DACH1: variants seen among roughly 807,000 people sequenced by gnomAD.
DACH1 encodes the protein dachshund family transcription factor 1.
A neutral mutation model predicts 54.2 loss-of-function variants in DACH1; 12 were observed. The ratio of observed to expected loss-of-function variants is 0.22; its 90% CI spans 0.14 to 0.36. DACH1 has a LOEUF of 0.36. Among genes scored for constraint, DACH1 ranks in the 10% least tolerant of loss-of-function variants. The pLI is 1.00. For missense variants in DACH1, 805 were observed against 929.8 expected (o/e 0.87, Z 1.75); for synonymous variants, 386 against 366.2 (o/e 1.05, Z -0.62).
intron 7 of DACH1, 105 bp from the exon 8 acceptor site, chr13:71,479,421 T>C: frequency 8.7e-7 from 1 of 1,148,792 alleles, no homozygotes; most frequent in Non-Finnish European, 1.2e-6. Context: ...TCAAATGACC[T>C]AATTCTTTCG....
At chr13:71,656,739 T>G (rs1457870485) in intron 2 of DACH1, among the ~76,000 whole-genome samples, 1 of 150,740 alleles carries the variant, frequency 6.6e-6, no homozygotes, top group Non-Finnish European at 1.5e-5. Context: ...TTTTGAATAG[T>G]CAATCTGTAC....
intron 6 of DACH1, among the ~76,000 whole-genome samples, chr13:71,503,964 G>A (rs1048552746): frequency 6.6e-6 from 1 of 152,148 alleles, no homozygotes; most frequent in Non-Finnish European, 1.5e-5. Flanking sequence ...GTCATTGTCA[G>A]CATTCTTCCC....
At chr13:71,586,005 G>A (rs1453678271) in intron 3 of DACH1, among the ~76,000 whole-genome samples, 3 of 152,142 alleles carry the variant, frequency 2.0e-5, no homozygotes, top group African/African-American at 7.2e-5. Context: ...CAATTATGTT[G>A]GGTGAGGACA....
At chr13:71,692,763 C>T (rs143754737) in intron 1 of DACH1, among the ~76,000 whole-genome samples, 4,054 of 151,940 alleles carry the variant, frequency 0.027, 180 homozygotes, top group African/African-American at 0.091. Flanking sequence ...CCTCTTGATC[C>T]GCCCATCTCA....
At chr13:71,854,459 T>C (rs916885719) in intron 1 of DACH1, among the ~76,000 whole-genome samples, 5 of 152,100 alleles carry the variant, frequency 3.3e-5, no homozygotes, top group South Asian at 2.1e-4. Flanking sequence ...TTTTAGAGGA[T>C]TGCCTACAAA....
chr13:71,749,998 A>G (rs1884849264), intron 1 of DACH1, among the ~76,000 whole-genome samples: 1 of 152,220 alleles, frequency 6.6e-6, no homozygotes, highest in African/African-American at 2.4e-5. Context: ...TATGCTTTCA[A>G]GCAACTATTT....
At chr13:71,545,737 C>G (rs546561638) in intron 6 of DACH1, among the ~76,000 whole-genome samples, 1 of 151,930 alleles carries the variant, frequency 6.6e-6, no homozygotes, top group Non-Finnish European at 1.5e-5. Context: ...AATGAAGAAC[C>G]ATAAAGACAA....
intron 4 of DACH1, among the ~76,000 whole-genome samples, chr13:71,572,185 A>C (rs1885254596): frequency 6.6e-6 from 1 of 152,202 alleles, no homozygotes; most frequent in African/African-American, 2.4e-5. Flanking sequence ...ATTTTGATTT[A>C]AGTACACATT....
At chr13:71,599,828 T>TAC (rs113936121) in intron 3 of DACH1, among the ~76,000 whole-genome samples, 125,580 of 146,628 alleles carry the variant, frequency 0.86, 53,810 homozygotes, top group South Asian at 0.91. Flanking sequence ...AACACATTTC[T>TAC]ACACACACAC....
At chr13:71,539,854 A>C (rs1390524304) in intron 6 of DACH1, among the ~76,000 whole-genome samples, 1 of 152,080 alleles carries the variant, frequency 6.6e-6, no homozygotes, top group Admixed American at 6.6e-5. Flanking sequence ...AGGGCAATAC[A>C]AAGAATGCGG....
intron 3 of DACH1, among the ~76,000 whole-genome samples, chr13:71,626,723 A>G (rs1165730151): frequency 6.6e-6 from 1 of 152,056 alleles, no homozygotes; most frequent in Non-Finnish European, 1.5e-5. Flanking sequence ...ACCAGTGCAT[A>G]TCATCTGTCT....
intron 6 of DACH1, among the ~76,000 whole-genome samples, chr13:71,540,731 T>G (rs911856258): frequency 2.6e-5 from 4 of 152,032 alleles, no homozygotes; most frequent in African/African-American, 9.7e-5. Flanking sequence ...CCTGTAGGTT[T>G]TTGTTTTATC....
chr13:71,843,602 G>T (rs1401862773), intron 1 of DACH1, among the ~76,000 whole-genome samples: 4 of 152,046 alleles, frequency 2.6e-5, no homozygotes, highest in African/African-American at 9.7e-5. Flanking sequence ...ATGCTTCTAG[G>T]ATTCTATTGG....
chr13:71,600,237 C>T (rs564446434), intron 3 of DACH1, among the ~76,000 whole-genome samples: 2 of 152,212 alleles, frequency 1.3e-5, no homozygotes, highest in East Asian at 3.9e-4. Flanking sequence ...CAAGGCAAGA[C>T]AACTTTCAAG....
chr13:71,848,602 G>A (rs1873449597), intron 1 of DACH1, among the ~76,000 whole-genome samples: 1 of 151,870 alleles, frequency 6.6e-6, no homozygotes, highest in South Asian at 2.1e-4. Flanking sequence ...TAGTGCAGTG[G>A]CATTATCACA....
intron 3 of DACH1, among the ~76,000 whole-genome samples, chr13:71,623,734 G>C (rs1167822852): frequency 1.3e-5 from 2 of 151,732 alleles, no homozygotes; most frequent in Non-Finnish European, 3.0e-5. Context: ...AAATAAAAAA[G>C]ACGAGCAGTT....
intron 3 of DACH1, among the ~76,000 whole-genome samples, chr13:71,583,089 A>G (rs996942714): frequency 1.3e-5 from 2 of 152,324 alleles, no homozygotes; most frequent in Admixed American, 6.5e-5. Context: ...AGGCAAATAT[A>G]AAGTAAAATT....
intron 6 of DACH1, among the ~76,000 whole-genome samples, chr13:71,539,385 A>G (rs1413485181): frequency 6.6e-6 from 1 of 152,090 alleles, no homozygotes. Flanking sequence ...GTTGTGGACT[A>G]CAGAAAATCT....
At chr13:71,733,776 T>C (rs1179337696) in intron 1 of DACH1, among the ~76,000 whole-genome samples, 2 of 152,184 alleles carry the variant, frequency 1.3e-5, no homozygotes, top group African/African-American at 2.4e-5. Context: ...AAATAATTCA[T>C]ATTATTCTCT....
Sources: allele counts gnomAD v4.1 joint callset (sites outside exome capture counted in the v4.1 genomes callset), GRCh38; gene constraint gnomAD v4.1.1; transcripts MANE v1.5; gene names NCBI Gene and HGNC (gene_info 2026-07-23, HGNC 2026-07-21).